The following AKAP6 variants were observed in gnomAD, a reference collection of about 807,000 sequenced individuals.
AKAP6 encodes A-kinase anchoring protein 6.
A neutral mutation model predicts 188.5 loss-of-function variants in AKAP6; 58 were observed. The observed-to-expected ratio is 0.31, with a 90% CI of 0.25 to 0.38. The LOEUF (loss-of-function observed/expected upper bound fraction) is 0.38. Among genes scored for constraint, AKAP6 ranks in the 10% least tolerant of loss-of-function variants. AKAP6 has a pLI of 1.00. For synonymous variants in AKAP6, 989 were observed against 998.6 expected (o/e 0.99, Z 0.18); for missense variants, 2,710 against 2,740.0 (o/e 0.99, Z 0.24).
At chr14:32,503,202 T>A (rs1351936389) in intron 2 of AKAP6, among the ~76,000 whole-genome samples, 1 of 152,160 alleles carries the variant, frequency 6.6e-6, no homozygotes, top group Non-Finnish European at 1.5e-5. Flanking sequence ...TCTTTTCATA[T>A]GTTTAACGAT....
intron 4 of AKAP6, 45 bp from the exon 5 acceptor site, chr14:32,577,075 T>C: frequency 6.3e-7 from 1 of 1,582,150 alleles, no homozygotes; most frequent in South Asian, 1.2e-5. Context: ...CCAACTAACA[T>C]GCCTTTCTTG....
At chr14:32,801,716 G>T (rs1171298644) in intron 12 of AKAP6, among the ~76,000 whole-genome samples, 1 of 152,086 alleles carries the variant, frequency 6.6e-6, no homozygotes, top group Non-Finnish European at 1.5e-5. Context: ...CCCAGGTTTT[G>T]TTTGTCCTGA....
intron 2 of AKAP6, among the ~76,000 whole-genome samples, chr14:32,491,239 C>A (rs375503792): frequency 6.6e-6 from 1 of 152,282 alleles, no homozygotes; most frequent in Middle Eastern, 3.4e-3. Context: ...GCATCTTCTC[C>A]CACAATGTCC....
chr14:32,564,774 A>G (rs1884113786), intron 4 of AKAP6, among the ~76,000 whole-genome samples: 1 of 152,206 alleles, frequency 6.6e-6, no homozygotes, highest in Non-Finnish European at 1.5e-5. Context: ...TCCTGTTAGA[A>G]CATCCTGTCT....
At chr14:32,670,755 T>A (rs1234243010) in intron 7 of AKAP6, among the ~76,000 whole-genome samples, 1 of 151,960 alleles carries the variant, frequency 6.6e-6, no homozygotes, top group Non-Finnish European at 1.5e-5. Context: ...GGAAGAATAG[T>A]AAACAAGTTC....
At chr14:32,800,143 C>A (rs1432298386) in intron 12 of AKAP6, among the ~76,000 whole-genome samples, 2 of 118,672 alleles carry the variant, frequency 1.7e-5, no homozygotes, top group African/African-American at 6.2e-5. Flanking sequence ...TATATATACA[C>A]ACATATATAC....
At chr14:32,357,370 A>G (rs2138472765) in intron 1 of AKAP6, among the ~76,000 whole-genome samples, 1 of 152,378 alleles carries the variant, frequency 6.6e-6, no homozygotes, top group Middle Eastern at 3.4e-3. Context: ...TGAGTTCTAT[A>G]TATAAAAGCT....
At chr14:32,488,531 G>C (rs953469241) in intron 2 of AKAP6, among the ~76,000 whole-genome samples, 5 of 152,064 alleles carry the variant, frequency 3.3e-5, no homozygotes, top group African/African-American at 4.8e-5. Flanking sequence ...CCTTTCCAGG[G>C]GACCGAACAG....
intron 10 of AKAP6, among the ~76,000 whole-genome samples, chr14:32,734,812 ATGTT>A (rs1339007588): frequency 6.6e-6 from 1 of 152,120 alleles, no homozygotes; most frequent in Non-Finnish European, 1.5e-5. Flanking sequence ...CACCAGATGA[ATGTT>A]TGTTGACTTA....
At chr14:32,481,855 A>G (rs1276503385) in intron 2 of AKAP6, among the ~76,000 whole-genome samples, 1 of 152,242 alleles carries the variant, frequency 6.6e-6, no homozygotes, top group Non-Finnish European at 1.5e-5. Flanking sequence ...CTTTTAGAGC[A>G]GTAATCCTTG....
intron 12 of AKAP6, among the ~76,000 whole-genome samples, chr14:32,785,070 C>T (rs2033361237): frequency 6.6e-6 from 1 of 151,916 alleles, no homozygotes; most frequent in Non-Finnish European, 1.5e-5. Flanking sequence ...TATTAAAGAT[C>T]TGCAGACTCA....
intron 7 of AKAP6, among the ~76,000 whole-genome samples, chr14:32,625,023 T>A (rs1308417686): frequency 6.6e-6 from 1 of 152,112 alleles, no homozygotes; most frequent in Non-Finnish European, 1.5e-5. Context: ...AATTCAAATA[T>A]TAACATTTCA....
At chr14:32,413,023 G>T (rs1889538141) in intron 1 of AKAP6, among the ~76,000 whole-genome samples, 1 of 152,100 alleles carries the variant, frequency 6.6e-6, no homozygotes, top group South Asian at 2.1e-4. Flanking sequence ...TACTCTAGAG[G>T]CTATCCAGAG....
intron 7 of AKAP6, among the ~76,000 whole-genome samples, chr14:32,635,989 G>T (rs998485347): frequency 1.3e-5 from 2 of 152,070 alleles, no homozygotes; most frequent in Non-Finnish European, 2.9e-5. Context: ...TAAGCTTACT[G>T]ATTTACATGC....
Position 32,779,422 on chromosome 14 carries a change from A to AAAAC in AKAP6, c.3588+5532_3588+5533insCAAA, listed in dbSNP as rs765419465. ...GAGACTCTGTCTCAGGACCAAAAAA[A>AAAAC]AAAAAAAAACAAAGGAAACCCACTT... On this transcript the variant is annotated intron_variant, in intron 12 of 13. Coordinates refer to ENST00000280979, the MANE Select transcript of AKAP6 (RefSeq NM_004274.5). Among the ~76,000 whole-genome samples the AAAAC allele has an allele frequency of 3.6e-3, 538 of 150,730 alleles. 15 individuals are homozygous for AAAAC. The highest frequency in any genetic ancestry group is 6.0e-3 in the Non-Finnish European group (404 of 67,664).
At chr14:32,400,577 A>AAAAAAAAAAAAAAAAAAAAAAT (rs1889053429) in intron 1 of AKAP6, among the ~76,000 whole-genome samples, 1 of 150,140 alleles carries the variant, frequency 6.7e-6, no homozygotes, top group Non-Finnish European at 1.5e-5. Context: ...AAAAAAAAAA[A>AAAAAAAAAAAAAAAAAAAAAAT]AAGACAGTAA....
chr14:32,602,162 T>C (rs529774736), intron 7 of AKAP6, among the ~76,000 whole-genome samples: 1 of 152,084 alleles, frequency 6.6e-6, no homozygotes, highest in Admixed American at 6.6e-5. Context: ...GAGTAGGCTG[T>C]AGGGAGAAGT....
At chr14:32,341,415 A>G (rs186175129) in intron 1 of AKAP6, among the ~76,000 whole-genome samples, 1 of 152,222 alleles carries the variant, frequency 6.6e-6, no homozygotes, top group Non-Finnish European at 1.5e-5. Context: ...GTTTCATGAT[A>G]CTTTGATAAC....
intron 2 of AKAP6, among the ~76,000 whole-genome samples, chr14:32,507,011 G>T (rs1880915141): frequency 6.6e-6 from 1 of 152,154 alleles, no homozygotes; most frequent in Admixed American, 6.5e-5. Flanking sequence ...AAAGGAAGGA[G>T]ACACTGGTGA....
Sources: allele counts gnomAD v4.1 joint callset (sites outside exome capture counted in the v4.1 genomes callset), GRCh38; gene constraint gnomAD v4.1.1; transcripts MANE v1.5; gene names NCBI Gene and HGNC (gene_info 2026-07-23, HGNC 2026-07-21).